The following PPARGC1A variants were observed in gnomAD, a reference collection of about 807,000 sequenced individuals.
The protein encoded by PPARGC1A is PPARG coactivator 1 alpha.
In PPARGC1A, 25 loss-of-function variants were observed where a neutral mutation model predicts 88.7. The observed-to-expected ratio is 0.28, with a 90% CI of 0.21 to 0.39. The LOEUF (loss-of-function observed/expected upper bound fraction) is 0.39, where lower values mean the gene tolerates loss of function less well. PPARGC1A is among the 10% of genes least tolerant of loss of function. The pLI, the probability that PPARGC1A is intolerant of heterozygous loss-of-function variation, is 1.00. For missense variants in PPARGC1A, 880 were observed against 968.7 expected (o/e 0.91, Z 1.22); for synonymous variants, 363 against 355.6 (o/e 1.02, Z -0.24).
chr4:24,387,406 A>G, the PPARGC1A span, among the ~76,000 whole-genome samples: 1 of 152,132 alleles, frequency 6.6e-6, no homozygotes, highest in Non-Finnish European at 1.5e-5. Flanking sequence ...ATGTAATTAA[A>G]CTAAAGAGCT....
the PPARGC1A span, among the ~76,000 whole-genome samples, chr4:24,106,723 A>G: frequency 1.3e-5 from 2 of 152,152 alleles, no homozygotes; most frequent in East Asian, 1.9e-4. Context: ...TAGCCAATAG[A>G]CTGTGGCAAA....
At chr4:24,103,484 A>G in the PPARGC1A span, among the ~76,000 whole-genome samples, 2 of 151,934 alleles carry the variant, frequency 1.3e-5, no homozygotes, top group African/African-American at 4.8e-5. Flanking sequence ...GAGCCCTCCA[A>G]CACAGAGCCC....
At chr4:24,118,172 C>A in the PPARGC1A span, among the ~76,000 whole-genome samples, 1 of 152,068 alleles carries the variant, frequency 6.6e-6, no homozygotes, top group Non-Finnish European at 1.5e-5. Context: ...GCATCCCAGC[C>A]ATAACGTGCG....
chr4:24,441,977 A>G, the PPARGC1A span, among the ~76,000 whole-genome samples: 6 of 152,244 alleles, frequency 3.9e-5, no homozygotes, highest in Admixed American at 3.9e-4. Context: ...TTAAGTGGTC[A>G]TGCATTTTTC....
the PPARGC1A span, among the ~76,000 whole-genome samples, chr4:24,123,826 C>A: frequency 6.7e-6 from 1 of 149,892 alleles, no homozygotes; most frequent in Non-Finnish European, 1.5e-5. Flanking sequence ...GTGTGCTCTC[C>A]TAGTCTCTAT....
the PPARGC1A span, among the ~76,000 whole-genome samples, chr4:24,227,596 A>AT: frequency 6.6e-6 from 1 of 152,352 alleles, no homozygotes; most frequent in East Asian, 1.9e-4. Context: ...TGGTACAGAC[A>AT]TAAAAACAGA....
the PPARGC1A span, among the ~76,000 whole-genome samples, chr4:24,374,102 T>A: frequency 6.6e-6 from 1 of 152,126 alleles, no homozygotes; most frequent in African/African-American, 2.4e-5. Flanking sequence ...GATATCAGAG[T>A]TAAAATTTTC....
chr4:24,299,492 A>C, the PPARGC1A span, among the ~76,000 whole-genome samples: 1 of 152,184 alleles, frequency 6.6e-6, no homozygotes, highest in Non-Finnish European at 1.5e-5. Flanking sequence ...AATTTGCTAA[A>C]TAAAGTATCT....
the PPARGC1A span, among the ~76,000 whole-genome samples, chr4:24,405,956 TTC>T: frequency 6.6e-6 from 1 of 151,916 alleles, no homozygotes; most frequent in Non-Finnish European, 1.5e-5. Context: ...CCACTCTCAC[TTC>T]TCTCTTTCCC....
At chr4:23,952,042 T>C in the PPARGC1A span, among the ~76,000 whole-genome samples, 867 of 152,194 alleles carry the variant, frequency 5.7e-3, 42 homozygotes, top group East Asian at 0.091. Context: ...ACTCTGTGTG[T>C]TCTCTTCCTT....
intron 7 of PPARGC1A, among the ~76,000 whole-genome samples, chr4:23,815,417 A>G (rs767253647): frequency 2.2e-4 from 33 of 152,170 alleles, no homozygotes; most frequent in Non-Finnish European, 3.5e-4. Context: ...GTGCCAGCCG[A>G]CCATTTTATA....
the PPARGC1A span, among the ~76,000 whole-genome samples, chr4:24,401,324 G>A: frequency 0.26 from 39,577 of 151,756 alleles, 5,551 homozygotes; most frequent in African/African-American, 0.32. Context: ...GGCCATACCT[G>A]ATATTTTCAA....
At chr4:23,801,937 T>G (rs1718834335) in intron 11 of PPARGC1A, 56 bp from the exon 12 acceptor site, 1 of 1,593,054 alleles carries the variant, frequency 6.3e-7, no homozygotes, top group East Asian at 2.3e-5. Flanking sequence ...TATATGGGAC[T>G]GTAACCCTTT....
At chr4:24,177,689 A>AG in the PPARGC1A span, among the ~76,000 whole-genome samples, 1 of 150,522 alleles carries the variant, frequency 6.6e-6, no homozygotes, top group Admixed American at 6.6e-5. Context: ...AGGAAAAAAA[A>AG]AAGAATCTCG....
chr4:23,950,899 G>A, the PPARGC1A span, among the ~76,000 whole-genome samples: 8 of 152,094 alleles, frequency 5.3e-5, no homozygotes, highest in Non-Finnish European at 1.0e-4. Context: ...GTCATCTCAG[G>A]AGCCAATTAA....
At chr4:23,992,407 T>A in the PPARGC1A span, among the ~76,000 whole-genome samples, 6 of 152,124 alleles carry the variant, frequency 3.9e-5, no homozygotes, top group Non-Finnish European at 7.3e-5. Context: ...TTCTGAGCAC[T>A]GTACACATGA....
rs1225846637 is a variant in PPARGC1A at position 23,795,660 on chromosome 4, T to C, written c.*162A>G. The C allele has an allele frequency of 1.8e-6, 1 of 567,932 alleles. No homozygotes were observed. The highest frequency in any genetic ancestry group is 3.6e-5 in the Admixed American group (1 of 27,754). 35.2% of individuals were successfully genotyped at this position (567,932 alleles called of 1,614,324 possible). ...TCATGTAAACCATTGTTGTTATTGT[T>C]GTTGTTGTTCTTGTTGTATTGTTGT... On this transcript the variant is annotated 3_prime_UTR_variant, in exon 13 of 13. Coordinates refer to ENST00000264867, the MANE Select transcript of PPARGC1A (RefSeq NM_013261.5).
intron 5 of PPARGC1A, among the ~76,000 whole-genome samples, chr4:23,826,934 C>T (rs2109636870): frequency 6.6e-6 from 1 of 152,186 alleles, no homozygotes; most frequent in South Asian, 2.1e-4. Flanking sequence ...TAAATTTGGC[C>T]CCAGAAAATG....
the PPARGC1A span, among the ~76,000 whole-genome samples, chr4:24,173,455 G>A: frequency 6.6e-6 from 1 of 152,066 alleles, no homozygotes; most frequent in African/African-American, 2.4e-5. Context: ...CCAGCTACTC[G>A]GGAGGCTGAG....
Sources: gnomAD v4.1 joint callset for allele counts (sites outside exome capture counted in the v4.1 genomes callset) on GRCh38, gnomAD v4.1.1 for gene constraint, MANE v1.5 for transcripts, NCBI Gene and HGNC (gene_info 2026-07-23, HGNC 2026-07-21) for gene names.